GPC5: variants seen among roughly 807,000 people sequenced by gnomAD.
GPC5 encodes the protein glypican 5.
GPC5 carries 47 observed loss-of-function variants against 53.9 expected under a neutral mutation model. The observed-to-expected ratio is 0.87, with a 90% CI of 0.69 to 1.11. The LOEUF (loss-of-function observed/expected upper bound fraction) is 1.11. GPC5 is among the 50% of genes most tolerant of loss of function. The probability of loss-of-function intolerance (pLI) is 0.00; values close to 1 mark genes in which losing one functional copy is unlikely to be tolerated. For missense variants in GPC5, 748 were observed against 713.1 expected (o/e 1.05, Z -0.56); for synonymous variants, 286 against 263.3 (o/e 1.09, Z -0.84).
chr13:92,052,985 AC>A (rs2041043076), intron 6 of GPC5, among the ~76,000 whole-genome samples: 2 of 152,176 alleles, frequency 1.3e-5, no homozygotes, highest in Non-Finnish European at 2.9e-5. Context: ...GGAAGAGGAA[AC>A]AGAATTTTAC....
chr13:92,424,777 T>G (rs1876750013), intron 7 of GPC5, among the ~76,000 whole-genome samples: 1 of 152,076 alleles, frequency 6.6e-6, no homozygotes, highest in South Asian at 2.1e-4. Context: ...TGCTTCACTG[T>G]CATTTCTATA....
At chr13:92,196,219 T>C (rs1376357552) in intron 7 of GPC5, among the ~76,000 whole-genome samples, 1 of 152,180 alleles carries the variant, frequency 6.6e-6, no homozygotes, top group Non-Finnish European at 1.5e-5. Flanking sequence ...CTATATAAAA[T>C]AGTTTGAAAA....
intron 7 of GPC5, among the ~76,000 whole-genome samples, chr13:92,753,667 G>T (rs905365946): frequency 6.6e-6 from 1 of 152,022 alleles, no homozygotes. Flanking sequence ...CAAGGCTCGA[G>T]AACTACGTGA....
At chr13:92,135,256 A>T (rs1192635728) in intron 6 of GPC5, among the ~76,000 whole-genome samples, 3 of 152,064 alleles carry the variant, frequency 2.0e-5, no homozygotes, top group Non-Finnish European at 4.4e-5. Flanking sequence ...CAGGTCCTTG[A>T]AGTGTTTTCA....
intron 7 of GPC5, among the ~76,000 whole-genome samples, chr13:92,772,025 C>G (rs990103411): frequency 6.6e-6 from 1 of 152,068 alleles, no homozygotes; most frequent in African/African-American, 2.4e-5. Context: ...TGAATTCCCC[C>G]TTTTCTTTCA....
intron 2 of GPC5, among the ~76,000 whole-genome samples, chr13:91,687,725 A>G (rs1252663378): frequency 2.0e-5 from 3 of 152,050 alleles, no homozygotes; most frequent in Admixed American, 1.3e-4. Flanking sequence ...GAAATTCTCA[A>G]TGAAAAACAC....
At chr13:92,668,908 A>T (rs1418595073) in intron 7 of GPC5, among the ~76,000 whole-genome samples, 1 of 152,156 alleles carries the variant, frequency 6.6e-6, no homozygotes, top group Non-Finnish European at 1.5e-5. Flanking sequence ...TAATGGTTAT[A>T]TATCAATAAT....
intron 2 of GPC5, among the ~76,000 whole-genome samples, chr13:91,682,457 A>T (rs373550791): frequency 6.6e-6 from 1 of 152,190 alleles, no homozygotes; most frequent in African/African-American, 2.4e-5. Context: ...AGGTGCCATT[A>T]TTATACCTGT....
At chr13:92,484,694 C>A (rs1383308816) in intron 7 of GPC5, 1 of 152,064 alleles carries the variant, frequency 6.6e-6, no homozygotes, top group Non-Finnish European at 1.5e-5. Context: ...GAGTTTGGAC[C>A]ATTATAGGTC....
chr13:92,012,594 A>G (rs1594723234), intron 6 of GPC5, among the ~76,000 whole-genome samples: 1 of 152,192 alleles, frequency 6.6e-6, no homozygotes, highest in Admixed American at 6.5e-5. Flanking sequence ...TAGTCATGCA[A>G]TAGGTATTCA....
chr13:91,728,925 C>A (rs946201365), intron 4 of GPC5, among the ~76,000 whole-genome samples: 7 of 152,056 alleles, frequency 4.6e-5, no homozygotes, highest in African/African-American at 1.7e-4. Context: ...ATTGGGGGCC[C>A]TGGGCACATG....
chr13:92,408,886 C>T (rs1189552501), intron 7 of GPC5, among the ~76,000 whole-genome samples: 1 of 151,940 alleles, frequency 6.6e-6, no homozygotes, highest in East Asian at 1.9e-4. Context: ...AACAGTGTGC[C>T]ATATACATGA....
intron 7 of GPC5, among the ~76,000 whole-genome samples, chr13:92,625,375 A>T (rs1443727676): frequency 6.6e-6 from 1 of 152,210 alleles, no homozygotes; most frequent in African/African-American, 2.4e-5. Flanking sequence ...GAGGACCACC[A>T]GGAAATTGTT....
intron 6 of GPC5, among the ~76,000 whole-genome samples, chr13:92,005,040 A>G (rs1488401112): frequency 2.0e-5 from 3 of 152,144 alleles, no homozygotes; most frequent in African/African-American, 7.2e-5. Context: ...TGACTCAAAT[A>G]TGAATCTCCT....
intron 2 of GPC5, among the ~76,000 whole-genome samples, chr13:91,509,156 G>A (rs77778618): frequency 0.12 from 17,887 of 151,950 alleles, 1,229 homozygotes; most frequent in South Asian, 0.31. Flanking sequence ...TTCCCTATAA[G>A]TCTTAAATTT....
intron 7 of GPC5, among the ~76,000 whole-genome samples, chr13:92,236,625 T>C (rs2042572424): frequency 6.6e-6 from 1 of 152,144 alleles, no homozygotes; most frequent in South Asian, 2.1e-4. Flanking sequence ...TGCTTAATTT[T>C]AATTGTTCTA....
intron 5 of GPC5, among the ~76,000 whole-genome samples, chr13:91,900,481 A>C (rs1391242272): frequency 1.3e-5 from 2 of 152,130 alleles, no homozygotes; most frequent in East Asian, 1.9e-4. Flanking sequence ...TTAGTATAAC[A>C]TTTCAAACTC....
At chr13:91,536,045 A>G (rs1886577018) in intron 2 of GPC5, among the ~76,000 whole-genome samples, 1 of 152,206 alleles carries the variant, frequency 6.6e-6, no homozygotes, top group South Asian at 2.1e-4. Flanking sequence ...ATGTCATTAT[A>G]TAAGTTGACT....
intron 7 of GPC5, among the ~76,000 whole-genome samples, chr13:92,338,533 T>A (rs1926648): frequency 1.3e-5 from 2 of 152,026 alleles, no homozygotes; most frequent in East Asian, 1.9e-4. Context: ...CACATAAATG[T>A]GGTACATCCT....
Sources: allele counts gnomAD v4.1 joint callset (sites outside exome capture counted in the v4.1 genomes callset), GRCh38; gene constraint gnomAD v4.1.1; transcripts MANE v1.5; gene names NCBI Gene and HGNC (gene_info 2026-07-23, HGNC 2026-07-21).